The following GPATCH3 variants were observed in gnomAD, a reference collection of about 807,000 sequenced individuals.
GPATCH3 encodes the protein G-patch domain containing 3.
GPATCH3 carries 45 observed loss-of-function variants against 53.2 expected under a neutral mutation model. The ratio of observed to expected loss-of-function variants is 0.85; its 90% CI spans 0.67 to 1.08. GPATCH3 has a LOEUF of 1.08. Ranked by LOEUF, GPATCH3 falls within the 50% of genes least tolerant of loss-of-function variation. GPATCH3 has a pLI of 0.00. For missense variants in GPATCH3, 680 were observed against 687.2 expected, an observed-to-expected ratio of 0.99 and a Z score of 0.12; for synonymous variants, 280 against 270.6, an observed-to-expected ratio of 1.03 and a Z score of -0.34.
At position 26,900,438 on chromosome 1, in the gene GPATCH3, G is replaced by A; in HGVS notation, c.5C>T (p.Ala2Val). The change falls in exon 1 of 7, where the codon GCG becomes GTG. Residue 2 changes from alanine to valine, a missense_variant. Transcript: ENST00000361720. M[A>V]VPGEAEEEAT... ...CTCCTCCTCCGCCTCGCCGGGCACCGCCATCTTGGATTGTCACATGATCAG... is the reference window on the plus strand; with the variant it reads ...CTCCTCCTCCGCCTCGCCGGGCACCACCATCTTGGATTGTCACATGATCAG... The A allele has an allele frequency of 6.2e-7, 1 of 1,607,882 alleles. No individual in the cohort carries two copies. The highest frequency in any genetic ancestry group is 8.5e-7 in the Non-Finnish European group (1 of 1,176,146).
At chr1:26,898,226 G>A (rs1029167362) in intron 1 of GPATCH3, among the ~76,000 whole-genome samples, 2 of 152,126 alleles carry the variant, frequency 1.3e-5, no homozygotes, top group Non-Finnish European at 2.9e-5. Flanking sequence ...CTCCCCAAGC[G>A]GAACTACAGA....
At chr1:26,897,023 A>G (rs76777679) in intron 2 of GPATCH3, among the ~76,000 whole-genome samples, 1 of 106,222 alleles carries the variant, frequency 9.4e-6, no homozygotes, top group South Asian at 2.6e-4. Context: ...CTCCGTCTCA[A>G]AAAAAAAAAA....
chr1:26,895,560 A>C (rs2081947398), intron 2 of GPATCH3, among the ~76,000 whole-genome samples: 1 of 148,440 alleles, frequency 6.7e-6, no homozygotes, highest in South Asian at 2.2e-4. Flanking sequence ...GAAGGAAGGA[A>C]GGGGAGAGAA....
At chr1:26,894,685 T>A (rs757275332) in intron 2 of GPATCH3, among the ~76,000 whole-genome samples, 17 of 152,118 alleles carry the variant, frequency 1.1e-4, no homozygotes, top group Non-Finnish European at 2.5e-4. Flanking sequence ...CACCCTTCTC[T>A]TCTCCACTTG....
At chr1:26,894,031 GGGGGC>G (rs1257213710) in intron 3 of GPATCH3, among the ~76,000 whole-genome samples, 200 bp downstream of exon 3, 3 of 151,956 alleles carry the variant, frequency 2.0e-5, no homozygotes, top group Non-Finnish European at 4.4e-5. Flanking sequence ...AGAATTTGTT[GGGGGC>G]GGGGCGGGGG....
Position 26,892,783 on chromosome 1 carries a change from C to T in GPATCH3, c.1120G>A (p.Asp374Asn). 1.2e-6 allele frequency: 2 copies of T among 1,613,898 alleles called. No homozygotes were observed. Among genetic ancestry groups the T allele is most frequent in the Non-Finnish European group, 1.7e-6 (2 of 1,179,798 alleles). ...TGGACAGAGTCTCGGGCATCCTTGT[C>T]TCCACCATCTGAGGAAACAGAGCTC... ...MSVYYDRDGG[D>N]KDARDSVQMR... Residue 374 changes from aspartate (D) to asparagine (N), a missense_variant, in exon 5 of 7, where the codon GAC becomes AAC. By Grantham distance (23) the Asp-to-Asn change is conservative. Coordinates refer to ENST00000361720, the MANE Select transcript of GPATCH3 (RefSeq NM_022078.3).
chr1:26,890,960 AG>A lies in GPATCH3; in HGVS notation c.*49del. The A allele has an allele frequency of 1.3e-6, 2 of 1,525,520 alleles. No individual in the cohort carries two copies. Among genetic ancestry groups the A allele is most frequent in the Non-Finnish European group, 1.8e-6 (2 of 1,099,844 alleles). The allele number at this position is 1,525,520 out of a possible 1,614,324, so 94.5% of individuals were successfully genotyped here. On this transcript the variant is annotated 3_prime_UTR_variant, in exon 7 of 7. Coordinates refer to ENST00000361720, the MANE Select transcript of GPATCH3 (RefSeq NM_022078.3). ...TTCTGCTTCAGTGGTAGATGAGGCC[AG>A]GGCAGAGGGTTTTCATCATGTAGCT...
At chr1:26,896,710 A>T (rs111743726) in intron 2 of GPATCH3, among the ~76,000 whole-genome samples, 1 of 147,374 alleles carries the variant, frequency 6.8e-6, no homozygotes, top group Admixed American at 6.8e-5. Flanking sequence ...CAAAAAAAAA[A>T]AGAAAAAAAT....
rs2081945302 is a variant in GPATCH3 at position 26,895,141 on chromosome 1, A to G, written c.877-731T>C. Among the ~76,000 whole-genome samples, 3 of 152,226 alleles carry G rather than the reference A, an allele frequency of 2.0e-5. No individual in the cohort carries two copies. The South Asian group carries it at 6.2e-4, about 32-fold the overall frequency. On this transcript the variant is annotated intron_variant, in intron 2 of 6. Transcript: ENST00000361720. ...AAATGGGTCTTAGAATGCCTTTGGA[A>G]TCCTACACTAGCCCTTGGCTTGACG... is the stretch of plus-strand genomic sequence containing the variant.
chr1:26,892,439 G>A lies in GPATCH3; in HGVS notation c.1333C>T (p.Gln445Ter). 1.2e-6 allele frequency: 2 copies of A among 1,613,738 alleles called. No individual in the cohort carries two copies. Among genetic ancestry groups the A allele is most frequent in the Non-Finnish European group, 8.5e-7 (1 of 1,179,838 alleles). Residue 445 changes from glutamine (Q) to a stop codon, truncating the protein, a stop_gained, in exon 6 of 7, where the codon CAA becomes TAA. Coordinates refer to ENST00000361720, the MANE Select transcript of GPATCH3 (RefSeq NM_022078.3). LOFTEE classifies it high-confidence loss of function. ...AATCCACGCTTGCATCTGGGGTGTT[G>A]GCCATCACTATCCAGGGCCTCAGGC... ...GVPEALDSDG[Q>*]HPRCKRGLGY...
At chr1:26,894,110 T>C (rs2081940446) in intron 3 of GPATCH3, 126 bp downstream of exon 3, 3 of 882,294 alleles carry the variant, frequency 3.4e-6, no homozygotes. Flanking sequence ...TCGTATACAA[T>C]AGAGGTCAGC....
chr1:26,890,960 A>G lies in GPATCH3; in HGVS notation c.*50T>C. On this transcript the variant is annotated 3_prime_UTR_variant, in exon 7 of 7. Coordinates refer to ENST00000361720, the MANE Select transcript of GPATCH3 (RefSeq NM_022078.3). ...TTCTGCTTCAGTGGTAGATGAGGCCAGGGCAGAGGGTTTTCATCATGTAGC... is the reference window on the plus strand; with the variant it reads ...TTCTGCTTCAGTGGTAGATGAGGCCGGGGCAGAGGGTTTTCATCATGTAGC... 1 of 1,525,520 alleles carries G rather than the reference A, an allele frequency of 6.6e-7. No homozygotes were observed. The highest frequency in any genetic ancestry group is 9.1e-7 in the Non-Finnish European group (1 of 1,099,844). The allele number at this position is 1,525,520 out of a possible 1,614,324, so 94.5% of individuals were successfully genotyped here.
At chr1:26,896,007 A>T (rs2081949324) in intron 2 of GPATCH3, among the ~76,000 whole-genome samples, 1 of 152,184 alleles carries the variant, frequency 6.6e-6, no homozygotes. Flanking sequence ...CCAACAAATC[A>T]CACCTTACTT....
At position 26,892,513 on chromosome 1, in the gene GPATCH3, C is replaced by T. The variant is rs185178501; in HGVS notation, c.1259G>A (p.Arg420Gln). Residue 420 changes from arginine (R) to glutamine (Q), a missense_variant, in exon 6 of 7, where the codon CGG (arginine) becomes CAG (glutamine). Transcript: ENST00000361720. ...TKGIGRKVME[R>Q]QGWAEGQGLG... ...GCCCTGGCCCTCAGCCCAGCCCTGC[C>T]GCTCCATCACCTTCCGCCCAATGCC... The T allele has an allele frequency of 1.5e-4, 250 of 1,613,640 alleles. 3 individuals are homozygous for T. In the East Asian group the frequency reaches 5.0e-3, roughly 33 times the overall value.
At chr1:26,899,577 A>G (rs1310445950) in intron 1 of GPATCH3, among the ~76,000 whole-genome samples, 1 of 152,198 alleles carries the variant, frequency 6.6e-6, no homozygotes, top group Non-Finnish European at 1.5e-5. Context: ...TTCCCCATCA[A>G]ACTGATTTCC....
intron 5 of GPATCH3, 24 bp from the exon 6 acceptor site, chr1:26,892,562 C>G (rs749423997): frequency 1.2e-6 from 2 of 1,606,128 alleles, no homozygotes; most frequent in East Asian, 4.5e-5. Context: ...GGACAAGACT[C>G]AAGAAATGGG....
intron 3 of GPATCH3, 70 bp downstream of exon 3, chr1:26,894,166 G>A (rs541771367): frequency 6.6e-5 from 98 of 1,487,502 alleles, no homozygotes; most frequent in East Asian, 4.5e-4. Flanking sequence ...AGAATCTACC[G>A]TGTGGAACAG....
Position 26,891,046 on chromosome 1 carries a change from G to A in GPATCH3, c.1542C>T (p.Ser514=). Residue 514 remains serine, a synonymous_variant, in exon 7 of 7, where the codon TCC becomes TCT. Coordinates refer to ENST00000361720, the MANE Select transcript of GPATCH3 (RefSeq NM_022078.3). ...FRTDMAFVRG[S]SCASDSPSLP... ...ATGAGGGGCTGTCTGAAGCACAACT[G>A]GAACCCCTCACAAAGGCCATGTCTG... The A allele has an allele frequency of 6.2e-7, 1 of 1,614,094 alleles. No individual in the cohort carries two copies.
Position 26,894,420 on chromosome 1 carries a change from A to AGG in GPATCH3, c.877-12_877-11dup, listed in dbSNP as rs763385280. 2 of 1,613,220 alleles carry AGG rather than the reference A, an allele frequency of 1.2e-6. No individual in the cohort carries two copies. The highest frequency in any genetic ancestry group is 1.7e-6 in the Non-Finnish European group (2 of 1,179,402). On this transcript the variant is annotated splice_polypyrimidine_tract_variant and intron_variant, in intron 2 of 6. Coordinates refer to ENST00000361720, the MANE Select transcript of GPATCH3 (RefSeq NM_022078.3). ...CACCCCGGTCATCGTCCTAAAAGGC[A>AGG]GGGAGAGGTGATTTGCCTGAGCTTC... is the stretch of plus-strand genomic sequence containing the variant.
Sources: allele counts gnomAD v4.1 joint callset (sites outside exome capture counted in the v4.1 genomes callset), GRCh38; gene constraint gnomAD v4.1.1; transcripts MANE v1.5; gene names NCBI Gene and HGNC (gene_info 2026-07-23, HGNC 2026-07-21).